Variants in TMEM45A observed in about 807,000 individuals in gnomAD.
The protein encoded by TMEM45A is DNA polymerase-transactivated protein 4.
TMEM45A carries 25 observed loss-of-function variants against 32.0 expected under a neutral mutation model. That is an observed-to-expected ratio of 0.78 (90% CI 0.57 to 1.09). TMEM45A has a LOEUF of 1.09. Ranked by LOEUF, TMEM45A falls within the 50% of genes least tolerant of loss-of-function variation. TMEM45A has a pLI of 0.00. For synonymous variants in TMEM45A, 122 were observed against 114.8 expected (o/e 1.06, Z -0.40); for missense variants, 302 against 325.0 (o/e 0.93, Z 0.54).
chr3:100,550,996 G>T lies in TMEM45A; in HGVS notation c.-3-4213G>T, dbSNP rs116632476. On this transcript the variant is annotated intron_variant, in intron 1 of 5. Coordinates refer to ENST00000323523, the MANE Select transcript of TMEM45A (RefSeq NM_018004.3). Reference sequence around the variant, plus strand: ...GAAATCTTTCAGTCCGTCTTTTTAGGCCTGGGTGAACTGCTTTTTTTTTTT... The same window carrying T: ...GAAATCTTTCAGTCCGTCTTTTTAGTCCTGGGTGAACTGCTTTTTTTTTTT... Among the ~76,000 whole-genome samples the T allele has an allele frequency of 8.2e-3, 1,245 of 151,166 alleles. 18 individuals are homozygous for T. Among genetic ancestry groups the T allele is most frequent in the African/African-American group, 0.028 (1,157 of 40,990 alleles).
At chr3:100,508,038 G>A (rs547272454) in intron 1 of TMEM45A, among the ~76,000 whole-genome samples, 1 of 151,844 alleles carries the variant, frequency 6.6e-6, no homozygotes, top group South Asian at 2.1e-4. Flanking sequence ...GGCATGGAAG[G>A]AGAGGAAAGC....
chr3:100,539,490 T>TGTATAC (rs1254590126), intron 1 of TMEM45A, among the ~76,000 whole-genome samples: 8,723 of 71,966 alleles, frequency 0.12, 909 homozygotes, highest in South Asian at 0.25. Context: ...TATATGTATA[T>TGTATAC]GTATACGTAT....
chr3:100,558,356 G>A, intron 3 of TMEM45A, 49 bp from the exon 4 acceptor site: 1 of 1,603,112 alleles, frequency 6.2e-7, no homozygotes, highest in Non-Finnish European at 8.5e-7. Flanking sequence ...AGAAACAGTG[G>A]GTGGTCCTTG....
intron 1 of TMEM45A, among the ~76,000 whole-genome samples, chr3:100,537,741 G>A (rs1705770670): frequency 6.6e-6 from 1 of 152,232 alleles, no homozygotes; most frequent in African/African-American, 2.4e-5. Context: ...CGTTCACACA[G>A]GTGTCATTGT....
Position 100,577,146 on chromosome 3 carries a change from C to A in TMEM45A, c.*128C>A. On this transcript the variant is annotated 3_prime_UTR_variant, in exon 6 of 6. Coordinates refer to ENST00000323523, the MANE Select transcript of TMEM45A (RefSeq NM_018004.3). ...ACTCTAAGTGTACTGTTTGCATTTCCAATTTGGTTAAAGTATTTGAATTTA... is the reference window on the plus strand; with the variant it reads ...ACTCTAAGTGTACTGTTTGCATTTCAAATTTGGTTAAAGTATTTGAATTTA... 1 of 669,396 alleles carries A rather than the reference C, an allele frequency of 1.5e-6. No homozygotes were observed. The highest frequency in any genetic ancestry group is 2.4e-6 in the Non-Finnish European group (1 of 412,760). 41.5% of individuals were successfully genotyped at this position (669,396 alleles called of 1,614,324 possible).
intron 1 of TMEM45A, among the ~76,000 whole-genome samples, chr3:100,499,045 G>A (rs1176508780): frequency 6.6e-6 from 1 of 151,954 alleles, no homozygotes; most frequent in Non-Finnish European, 1.5e-5. Flanking sequence ...TTAAAATTAG[G>A]GTTTTTTTTT....
At chr3:100,551,413 T>C (rs1706099894) in intron 1 of TMEM45A, among the ~76,000 whole-genome samples, 1 of 152,186 alleles carries the variant, frequency 6.6e-6, no homozygotes, top group African/African-American at 2.4e-5. Context: ...CTGGGGTTGC[T>C]GCTGGCTGCT....
At chr3:100,526,553 C>T (rs1382915816) in intron 1 of TMEM45A, among the ~76,000 whole-genome samples, 1 of 152,136 alleles carries the variant, frequency 6.6e-6, no homozygotes. Flanking sequence ...TTTTCTAAGC[C>T]TTAGTTTTCT....
At chr3:100,557,986 T>C (rs1001169814) in intron 3 of TMEM45A, among the ~76,000 whole-genome samples, 4 of 152,238 alleles carry the variant, frequency 2.6e-5, no homozygotes, top group African/African-American at 9.6e-5. Context: ...ATCTGAATTA[T>C]TGCACTTGCC....
intron 1 of TMEM45A, among the ~76,000 whole-genome samples, chr3:100,539,495 A>ATG (rs1559644614): frequency 1.4e-5 from 1 of 70,742 alleles, no homozygotes; most frequent in African/African-American, 7.4e-5. Context: ...GTATATGTAT[A>ATG]CGTATACGTA....
intron 1 of TMEM45A, among the ~76,000 whole-genome samples, chr3:100,508,649 A>C (rs1708112258): frequency 1.3e-5 from 2 of 152,186 alleles, no homozygotes; most frequent in South Asian, 4.1e-4. Context: ...ATTCAGAAAT[A>C]AATCCACATA....
At chr3:100,529,149 G>A (rs1298207937) in intron 1 of TMEM45A, among the ~76,000 whole-genome samples, 5 of 152,150 alleles carry the variant, frequency 3.3e-5, no homozygotes, top group African/African-American at 9.7e-5. Context: ...GTTTGGTTGT[G>A]CAGGGGGATT....
At chr3:100,571,379 C>A (rs1706555969) in intron 5 of TMEM45A, 1 of 151,492 alleles carries the variant, frequency 6.6e-6, no homozygotes, top group Non-Finnish European at 1.5e-5. Context: ...TTTTTGCCAA[C>A]AAGTATTGTT....
At chr3:100,565,848 TG>T (rs1423454572) in intron 4 of TMEM45A, among the ~76,000 whole-genome samples, 1 of 152,224 alleles carries the variant, frequency 6.6e-6, no homozygotes, top group Non-Finnish European at 1.5e-5. Flanking sequence ...TTCACAATGT[TG>T]TGCCCCCATC....
At chr3:100,576,577 G>A (rs992597811) in intron 5 of TMEM45A, among the ~76,000 whole-genome samples, 9 of 151,902 alleles carry the variant, frequency 5.9e-5, no homozygotes, top group Non-Finnish European at 1.0e-4. Context: ...CCAAGATTGC[G>A]CCACTGCACT....
intron 1 of TMEM45A, among the ~76,000 whole-genome samples, chr3:100,512,863 T>G (rs1254734254): frequency 6.6e-6 from 1 of 152,018 alleles, no homozygotes; most frequent in African/African-American, 2.4e-5. Context: ...ACAAATAAAC[T>G]AGAAAATCTA....
chr3:100,572,913 A>G (rs1358136755), intron 5 of TMEM45A: 150 of 150,712 alleles, frequency 1.0e-3, no homozygotes, highest in African/African-American at 3.6e-3. Flanking sequence ...ATAGTTGTAG[A>G]TATGTGGCAT....
At chr3:100,500,245 C>T (rs1255569258) in intron 1 of TMEM45A, among the ~76,000 whole-genome samples, 2 of 151,994 alleles carry the variant, frequency 1.3e-5, no homozygotes, top group East Asian at 3.9e-4. Context: ...ATTGTTCAGA[C>T]CTTGTTTTTT....
intron 4 of TMEM45A, among the ~76,000 whole-genome samples, chr3:100,566,790 A>G (rs1425257039): frequency 3.3e-5 from 5 of 152,072 alleles, no homozygotes; most frequent in Non-Finnish European, 7.4e-5. Context: ...GACCATTTGT[A>G]TATTTGCTTT....
Sources: allele counts gnomAD v4.1 joint callset (sites outside exome capture counted in the v4.1 genomes callset), GRCh38; gene constraint gnomAD v4.1.1; transcripts MANE v1.5; gene names NCBI Gene and HGNC (gene_info 2026-07-23, HGNC 2026-07-21).